GALNT8: variants seen among roughly 807,000 people sequenced by gnomAD.
GALNT8 encodes probable polypeptide N-acetylgalactosaminyltransferase 8.
In GALNT8, 66 loss-of-function variants were observed where a neutral mutation model predicts 62.7. The ratio of observed to expected loss-of-function variants is 1.05; its 90% confidence interval spans 0.86 to 1.29. GALNT8 has a LOEUF of 1.29. Ranked by LOEUF, GALNT8 falls within the 50% of genes most tolerant of loss-of-function variation. The pLI, the probability that GALNT8 is intolerant of heterozygous loss-of-function variation, is 0.00. For missense variants in GALNT8, 771 were observed against 791.8 expected, an observed-to-expected ratio of 0.97 and a Z score of 0.32; for synonymous variants, 288 against 294.3, an observed-to-expected ratio of 0.98 and a Z score of 0.22.
Position 4,745,448 on chromosome 12 carries a change from C to T in GALNT8, c.880C>T (p.Arg294Trp), listed in dbSNP as rs202166380. 9.6e-5 allele frequency: 154 copies of T among 1,611,772 alleles called. No individual in the cohort carries two copies. Among genetic ancestry groups the T allele is most frequent in the East Asian group, 9.1e-4 (41 of 44,872 alleles). ...TTCTAGGGCAGAGCCAATCTTGGCT[C>T]GGATTCAGGAGGACCGCACTGTGAT... ...NVGWAEPILARIQEDRTVIVS... is the reference protein window; with the variant it reads ...NVGWAEPILAWIQEDRTVIVS... The change falls in exon 5 of 11, where the codon CGG becomes TGG. Residue 294 changes from arginine to tryptophan, a missense_variant. Arg to Trp is a moderately radical substitution (Grantham distance 101). Transcript: ENST00000252318.
At chr12:4,765,074 T>A (rs1474376361) in intron 9 of GALNT8, among the ~76,000 whole-genome samples, 1 of 152,190 alleles carries the variant, frequency 6.6e-6, no homozygotes, top group East Asian at 1.9e-4. Flanking sequence ...AGCTGAGGCC[T>A]GCAGTGACAG....
chr12:4,763,203 CAG>C (rs745716700), intron 7 of GALNT8, 48 bp from the exon 8 acceptor site: 100 of 1,547,182 alleles, frequency 6.5e-5, no homozygotes, highest in Non-Finnish European at 8.7e-5. Flanking sequence ...TTCGCTTTAA[CAG>C]AGCTTTCATG....
Position 4,720,561 on chromosome 12 carries a change from A to G in GALNT8, c.-117A>G. ...TGGGTGTCTCACACAGGGGAGACCA[A>G]CTCAACTGGCACCTAGAACTCTCTT... is the stretch of plus-strand genomic sequence containing the variant. On this transcript the variant is annotated 5_prime_UTR_variant, in exon 1 of 11. Coordinates refer to ENST00000252318, the MANE Select transcript of GALNT8 (RefSeq NM_017417.2). 1 of 736,340 alleles carries G rather than the reference A, an allele frequency of 1.4e-6. No homozygotes were observed. Among genetic ancestry groups the G allele is most frequent in the Non-Finnish European group, 2.4e-6 (1 of 414,588 alleles). The allele number at this position is 736,340 out of a possible 1,614,324, so 45.6% of individuals were successfully genotyped here. A position where few individuals can be genotyped will look rare whatever the true frequency, so the allele number is the denominator to read the frequency against.
At chr12:4,743,263 A>G (rs1946280190) in intron 3 of GALNT8, among the ~76,000 whole-genome samples, 1 of 152,198 alleles carries the variant, frequency 6.6e-6, no homozygotes, top group Non-Finnish European at 1.5e-5. Flanking sequence ...CCTCCTGTGG[A>G]TTACTGACTA....
At chr12:4,742,621 T>G (rs1946277055) in intron 3 of GALNT8, among the ~76,000 whole-genome samples, 1 of 151,348 alleles carries the variant, frequency 6.6e-6, no homozygotes, top group Non-Finnish European at 1.5e-5. Flanking sequence ...GGGTGTGGGG[T>G]GTGGTGATCT....
intron 6 of GALNT8, among the ~76,000 whole-genome samples, chr12:4,755,248 G>A (rs1403188272): frequency 6.6e-6 from 1 of 152,238 alleles, no homozygotes; most frequent in Non-Finnish European, 1.5e-5. Flanking sequence ...TGGTGGCAAG[G>A]TTTGTGGGAA....
chr12:4,742,424 A>G (rs973959159), intron 3 of GALNT8, among the ~76,000 whole-genome samples: 1 of 152,240 alleles, frequency 6.6e-6, no homozygotes, highest in Non-Finnish European at 1.5e-5. Flanking sequence ...AAAATTTCAC[A>G]ATCAACAACT....
chr12:4,728,123 T>C (rs1946204556), intron 2 of GALNT8, among the ~76,000 whole-genome samples: 1 of 152,162 alleles, frequency 6.6e-6, no homozygotes, highest in Admixed American at 6.5e-5. Context: ...CCTAATAGTG[T>C]GGGACATCTT....
At chr12:4,771,932 G>C (rs1328696889) in intron 10 of GALNT8, among the ~76,000 whole-genome samples, 3 of 152,194 alleles carry the variant, frequency 2.0e-5, no homozygotes, top group Admixed American at 1.3e-4. Context: ...CATGTTCCCA[G>C]TTATAAACCT....
chr12:4,772,578 G>A lies in GALNT8; in HGVS notation c.1895G>A (p.Gly632Asp). ...ATCCAGCACACTGTCAGAGACTGGG[G>A]TCAGACCAACAGCCAGTGATCCTCA... ...WEIQHTVRDW[G>D]QTNSQ Residue 632 changes from glycine (G) to aspartate (D), a missense_variant, in exon 11 of 11, where the codon GGT becomes GAT. Physicochemically the swap from Gly to Asp is moderately conservative, Grantham distance 94 (BLOSUM62 -1). Transcript: ENST00000252318. 2 of 1,613,734 alleles carry A rather than the reference G, an allele frequency of 1.2e-6. No homozygotes were observed. Among genetic ancestry groups the A allele is most frequent in the Middle Eastern group, 1.7e-4 (1 of 5,960 alleles).
intron 2 of GALNT8, among the ~76,000 whole-genome samples, chr12:4,737,649 T>G (rs1258109339): frequency 1.3e-5 from 2 of 152,236 alleles, no homozygotes; most frequent in African/African-American, 4.8e-5. Context: ...AAACTCATGT[T>G]AAAATGTATT....
chr12:4,742,562 C>T (rs899462970), intron 3 of GALNT8, among the ~76,000 whole-genome samples: 3 of 152,124 alleles, frequency 2.0e-5, no homozygotes, highest in South Asian at 2.1e-4. Context: ...TGAAGAATAA[C>T]GTGACAAACC....
rs753180770 is a variant in GALNT8, at chr12:4,772,539, CGCA to C, written c.1857_1859del (p.Gln620del). ...GTGCTTGTGCTCCAGACCTGTAGCA[CGCA>C]AGTGTGGGAAATCCAGCACACTGTC... is the stretch of plus-strand genomic sequence containing the variant. On this transcript the variant is annotated inframe_deletion, in exon 11 of 11. Transcript: ENST00000252318. 1 of 1,613,730 alleles carries C rather than the reference CGCA, an allele frequency of 6.2e-7. No individual in the cohort carries two copies. Among genetic ancestry groups the C allele is most frequent in the Non-Finnish European group, 8.5e-7 (1 of 1,179,656 alleles).
Position 4,754,448 on chromosome 12 carries a change from T to C in GALNT8, c.1174-6510T>C, listed in dbSNP as rs1273698685. On this transcript the variant is annotated intron_variant, in intron 6 of 10. Coordinates refer to ENST00000252318, the MANE Select transcript of GALNT8 (RefSeq NM_017417.2). ...AGACACACTTCTTCCCACTCTTCCC[T>C]CCTCTTTCCAAAGTTAGAGGCCAGT... Among the ~76,000 whole-genome samples the C allele has an allele frequency of 3.3e-5, 5 of 152,110 alleles. No homozygotes were observed. The East Asian group carries it at 5.8e-4, about 18-fold the overall frequency.
chr12:4,742,099 C>T (rs1235194895), intron 3 of GALNT8, among the ~76,000 whole-genome samples: 1 of 152,168 alleles, frequency 6.6e-6, no homozygotes, highest in African/African-American at 2.4e-5. Context: ...AATAATGGTG[C>T]CTACCTGATA....
chr12:4,723,831 C>T (rs1345184728), intron 1 of GALNT8, among the ~76,000 whole-genome samples: 1 of 151,044 alleles, frequency 6.6e-6, no homozygotes. Flanking sequence ...TGCTCATTGC[C>T]TCCAGGATTC....
chr12:4,728,990 A>T (rs754684087), intron 2 of GALNT8, among the ~76,000 whole-genome samples: 2 of 152,184 alleles, frequency 1.3e-5, no homozygotes, highest in Non-Finnish European at 2.9e-5. Context: ...CTTCCAATCC[A>T]CGGCTGTGAG....
chr12:4,723,775 G>A (rs545046520), intron 1 of GALNT8, among the ~76,000 whole-genome samples: 1 of 131,312 alleles, frequency 7.6e-6, no homozygotes, highest in African/African-American at 2.9e-5. Context: ...TTTTTCCACA[G>A]AGCTTCCTAT....
At chr12:4,740,927 C>T (rs935631135) in intron 3 of GALNT8, among the ~76,000 whole-genome samples, 1 of 152,220 alleles carries the variant, frequency 6.6e-6, no homozygotes, top group Admixed American at 6.5e-5. Context: ...CGTTATAATA[C>T]ATGAATTATG....
Sources: gnomAD v4.1 joint callset for allele counts (sites outside exome capture counted in the v4.1 genomes callset) on GRCh38, gnomAD v4.1.1 for gene constraint, MANE v1.5 for transcripts, NCBI Gene and HGNC (gene_info 2026-07-23, HGNC 2026-07-21) for gene names.